JAK1: variants seen among roughly 807,000 people sequenced by gnomAD.
JAK1 encodes Janus kinase 1.
JAK1 carries 16 observed loss-of-function variants against 136.6 expected under a neutral mutation model. The ratio of observed to expected loss-of-function variants is 0.12; its 90% confidence interval spans 0.08 to 0.18. JAK1 has a LOEUF of 0.18. Among genes scored for constraint, JAK1 ranks in the 10% least tolerant of loss-of-function variants. The pLI is 1.00. For missense variants in JAK1, 859 were observed against 1,450.1 expected, an observed-to-expected ratio of 0.59 and a Z score of 6.62; for synonymous variants, 492 against 519.5, an observed-to-expected ratio of 0.95 and a Z score of 0.72.
At chr1:64,861,126 G>A (rs1163264498) in intron 8 of JAK1, among the ~76,000 whole-genome samples, 1 of 152,060 alleles carries the variant, frequency 6.6e-6, no homozygotes, top group African/African-American at 2.4e-5. Flanking sequence ...AGCATGCACC[G>A]TGATCTTGGC....
At chr1:64,953,807 G>T (rs776701167) in intron 1 of JAK1, among the ~76,000 whole-genome samples, 2 of 152,022 alleles carry the variant, frequency 1.3e-5, no homozygotes, top group Non-Finnish European at 2.9e-5. Flanking sequence ...TTACAGGTGC[G>T]TGCTGCCACG....
chr1:64,858,511 T>C (rs1557640077), intron 9 of JAK1, among the ~76,000 whole-genome samples: 1 of 152,356 alleles, frequency 6.6e-6, no homozygotes, highest in South Asian at 2.1e-4. Flanking sequence ...AAGCCATCAT[T>C]GATTCTTTGG....
At chr1:64,950,516 C>T (rs993452044) in intron 1 of JAK1, among the ~76,000 whole-genome samples, 2 of 152,016 alleles carry the variant, frequency 1.3e-5, no homozygotes, top group Non-Finnish European at 2.9e-5. Context: ...TAGGAACAAA[C>T]CAATCGTAGG....
chr1:64,859,019 G>T (rs957613930), intron 9 of JAK1, among the ~76,000 whole-genome samples: 1 of 152,214 alleles, frequency 6.6e-6, no homozygotes, highest in Admixed American at 6.5e-5. Flanking sequence ...ATTGGCAGAA[G>T]ACGCTTTTCA....
chr1:64,975,860 T>G (rs1381848069), intron 2 of JAK1, among the ~76,000 whole-genome samples: 1 of 152,194 alleles, frequency 6.6e-6, no homozygotes, highest in Non-Finnish European at 1.5e-5. Flanking sequence ...TGAGGATGGA[T>G]TCCCCCTGTC....
intron 1 of JAK1, among the ~76,000 whole-genome samples, chr1:64,902,973 C>T (rs1198727373): frequency 1.3e-5 from 2 of 152,116 alleles, no homozygotes; most frequent in Non-Finnish European, 2.9e-5. Context: ...GTCTTTGCCC[C>T]GTTTTCTTAA....
At chr1:64,866,803 T>C (rs1305670045) in intron 7 of JAK1, 63 bp downstream of exon 7, 2 of 1,243,216 alleles carry the variant, frequency 1.6e-6, no homozygotes, top group Admixed American at 3.9e-5. Context: ...TCCAGAAGGA[T>C]AAACAGCATA....
In JAK1 at chr1:64,973,191, G is replaced by GAAAT. The variant is rs1646467482; in HGVS notation, c.-78+71288_-78+71289insATTT. 2.2e-5 allele frequency: 3 copies of GAAAT among 139,274 alleles called. No homozygotes were observed. In the Admixed American group the frequency reaches 2.2e-4, roughly 10 times the overall value. The allele number at this position is 139,274 out of a possible 1,614,324, so 8.6% of individuals were successfully genotyped here. ...AGAAAAAGAAAGAAAGAAAGAAAAA[G>GAAAT]AAAGAAAGAAAGGAAAAGAAAGAAA... On this transcript the variant is annotated intron_variant, in intron 2 of 25. Coordinates refer to the JAK1 transcript ENST00000671954.
chr1:65,063,965 A>T (rs1354235202), intron 1 of JAK1, among the ~76,000 whole-genome samples: 1 of 152,220 alleles, frequency 6.6e-6, no homozygotes, highest in African/African-American at 2.4e-5. Flanking sequence ...TGGAATTAAT[A>T]GCATATTCAT....
chr1:64,953,963 C>T (rs1165689859), intron 1 of JAK1, among the ~76,000 whole-genome samples: 1 of 152,196 alleles, frequency 6.6e-6, no homozygotes, highest in Non-Finnish European at 1.5e-5. Context: ...GCATGAGCGA[C>T]CGCACTCGGC....
At chr1:64,906,967 T>C (rs1230908981) in intron 1 of JAK1, among the ~76,000 whole-genome samples, 1 of 151,384 alleles carries the variant, frequency 6.6e-6, no homozygotes, top group Non-Finnish European at 1.5e-5. Flanking sequence ...TCAAAACTCC[T>C]TGTCCAGCAG....
intron 1 of JAK1, among the ~76,000 whole-genome samples, chr1:64,930,075 T>TCA (rs1159964829): frequency 6.6e-6 from 1 of 151,570 alleles, no homozygotes; most frequent in Non-Finnish European, 1.5e-5. Flanking sequence ...AAAACCATAA[T>TCA]CAGGACACAG....
chr1:64,840,278 C>A (rs1317783129), intron 19 of JAK1, among the ~76,000 whole-genome samples: 1 of 152,168 alleles, frequency 6.6e-6, no homozygotes, highest in African/African-American at 2.4e-5. Context: ...GCACTCGCTG[C>A]ATACAGAAAC....
intron 2 of JAK1, among the ~76,000 whole-genome samples, chr1:65,043,767 G>A (rs948498320): frequency 1.4e-5 from 2 of 145,770 alleles, no homozygotes; most frequent in Non-Finnish European, 3.0e-5. Context: ...CTGTTGCCCA[G>A]GCTGGAGTGC....
At chr1:64,958,136 T>C (rs867034848) in intron 1 of JAK1, among the ~76,000 whole-genome samples, 51 of 152,156 alleles carry the variant, frequency 3.4e-4, no homozygotes, top group African/African-American at 1.1e-3. Flanking sequence ...CTACAGAGAG[T>C]TGCTGAATAA....
chr1:64,851,422 G>T (rs1655583763), intron 11 of JAK1, among the ~76,000 whole-genome samples: 1 of 152,182 alleles, frequency 6.6e-6, no homozygotes, highest in East Asian at 1.9e-4. Context: ...CCGGGCCCAG[G>T]GCATGATGGG....
At chr1:64,889,748 C>A (rs1644906012) in intron 1 of JAK1, among the ~76,000 whole-genome samples, 1 of 152,154 alleles carries the variant, frequency 6.6e-6, no homozygotes, top group African/African-American at 2.4e-5. Context: ...TTTTCAAGGG[C>A]ATCTTTTGAA....
intron 2 of JAK1, among the ~76,000 whole-genome samples, chr1:65,012,796 C>CAAAAAAAAA (rs374552765): frequency 7.8e-5 from 9 of 116,116 alleles, no homozygotes; most frequent in Admixed American, 3.4e-4. Context: ...GACCCTGTCT[C>CAAAAAAAAA]AAAAAAAAAA....
Position 64,902,583 on chromosome 1 carries a change from A to AGAGAGAGAGAGAGAGAGAGAGAGAGTGT in JAK1, c.-77-16243_-77-16242insACACTCTCTCTCTCTCTCTCTCTCTCTC. On this transcript the variant is annotated intron_variant, in intron 1 of 24. Coordinates refer to ENST00000342505, the MANE Select transcript of JAK1 (RefSeq NM_002227.4). ...GAGAGAGAGAGAGAGAGAGAGAGAG[A>AGAGAGAGAGAGAGAGAGAGAGAGAGTGT]GTGTGTGTGTGTGTGTGTGTGTGTG... Among the ~76,000 whole-genome samples, 65 of 73,782 alleles carry AGAGAGAGAGAGAGAGAGAGAGAGAGTGT rather than the reference A, an allele frequency of 8.8e-4. 3 individuals are homozygous for AGAGAGAGAGAGAGAGAGAGAGAGAGTGT. Among genetic ancestry groups the AGAGAGAGAGAGAGAGAGAGAGAGAGTGT allele is most frequent in the African/African-American group, 3.9e-3 (63 of 16,204 alleles). The allele number at this position is 73,782 out of a possible 152,430, so 48.4% of individuals were successfully genotyped here.
Sources: allele counts gnomAD v4.1 joint callset (sites outside exome capture counted in the v4.1 genomes callset), GRCh38; gene constraint gnomAD v4.1.1; transcripts MANE v1.5; gene names NCBI Gene and HGNC (gene_info 2026-07-23, HGNC 2026-07-21).